Variants in STMP1 observed in about 807,000 individuals in gnomAD.
STMP1 encodes the protein mitolamban.
A neutral mutation model predicts 7.0 loss-of-function variants in STMP1; 7 were observed. The ratio of observed to expected loss-of-function variants is 1.01; its 90% confidence interval spans 0.57 to 1.89. The LOEUF (loss-of-function observed/expected upper bound fraction) is 1.89. Among genes scored for constraint, STMP1 ranks in the 40% most tolerant of loss-of-function variants. STMP1 has a pLI of 0.00. For missense variants in STMP1, 45 were observed against 53.0 expected, an observed-to-expected ratio of 0.85 and a Z score of 0.47; for synonymous variants, 19 against 18.4, an observed-to-expected ratio of 1.03 and a Z score of -0.08.
rs887588386 is a variant in STMP1, at chr7:135,674,630, G to C, written c.*465G>C. On this transcript the variant is annotated 3_prime_UTR_variant, in exon 3 of 3. Coordinates refer to ENST00000507606, the MANE Select transcript of STMP1 (RefSeq NM_001130929.2). Reference sequence around the variant, plus strand: ...GCAAAGTAATTAAAATTAGTATCTAGAGCTAGTTTCTGGTGAATTATTCAT... The same window carrying C: ...GCAAAGTAATTAAAATTAGTATCTACAGCTAGTTTCTGGTGAATTATTCAT... The C allele has an allele frequency of 3.9e-5, 6 of 152,850 alleles. No homozygotes were observed. Among genetic ancestry groups the C allele is most frequent in the African/African-American group, 1.2e-4 (5 of 41,556 alleles). The allele number at this position is 152,850 out of a possible 1,614,324, so 9.5% of individuals were successfully genotyped here. A position where few individuals can be genotyped will look rare whatever the true frequency, so the allele number is the denominator to read the frequency against.
Position 135,662,568 on chromosome 7 carries a change from C to G in STMP1, c.-12C>G. 6.5e-7 allele frequency: 1 copy of G among 1,548,364 alleles called. No homozygotes were observed. The highest frequency in any genetic ancestry group is 8.7e-7 in the Non-Finnish European group (1 of 1,145,724). ...AGTCCTTCGCGCCCTCCTCGCCCTCCCCACCGACATCATGCTCCAGTTCCT... is the reference window on the plus strand; with the variant it reads ...AGTCCTTCGCGCCCTCCTCGCCCTCGCCACCGACATCATGCTCCAGTTCCT... On this transcript the variant is annotated 5_prime_UTR_variant, in exon 1 of 3. Transcript: ENST00000507606.
In STMP1 at chr7:135,674,219, C is replaced by A; in HGVS notation, c.*54C>A. On this transcript the variant is annotated 3_prime_UTR_variant, in exon 3 of 3. Transcript: ENST00000507606. ...TACTGATTCTACTGCTCTTGAGGGCCTCGTTTACTATCTGAACCAAAAGCT... is the reference window on the plus strand; with the variant it reads ...TACTGATTCTACTGCTCTTGAGGGCATCGTTTACTATCTGAACCAAAAGCT... The A allele has an allele frequency of 1.5e-6, 2 of 1,308,768 alleles. No individual in the cohort carries two copies. The highest frequency in any genetic ancestry group is 2.1e-6 in the Non-Finnish European group (2 of 951,760). 81.1% of individuals were successfully genotyped at this position (1,308,768 alleles called of 1,614,324 possible). A position where few individuals can be genotyped will look rare whatever the true frequency, so the allele number is the denominator to read the frequency against.
At chr7:135,664,587 A>G (rs1472829984) in intron 1 of STMP1, among the ~76,000 whole-genome samples, 5 of 152,036 alleles carry the variant, frequency 3.3e-5, no homozygotes, top group Non-Finnish European at 5.9e-5. Context: ...GATTACAGGC[A>G]TGAGCCACCA....
At chr7:135,664,383 C>G (rs1218150348) in intron 1 of STMP1, among the ~76,000 whole-genome samples, 2 of 82,618 alleles carry the variant, frequency 2.4e-5, no homozygotes, top group Admixed American at 1.5e-4. Flanking sequence ...CAAGGTTTCT[C>G]TTTGTCACCT....
Position 135,673,867 on chromosome 7 carries a change from G to A in STMP1, c.70-224G>A, listed in dbSNP as rs546956304. Among the ~76,000 whole-genome samples the A allele has an allele frequency of 6.6e-4, 101 of 152,262 alleles. 1 individual carries two copies. Among genetic ancestry groups the A allele is most frequent in the Non-Finnish European group, 1.1e-3 (75 of 68,020 alleles). ...CGGGAAGGATCACTTGAGCTCTGGAGGTCAAGGCTGCAGTGAGCTGTGTTT... is the reference window on the plus strand; with the variant it reads ...CGGGAAGGATCACTTGAGCTCTGGAAGTCAAGGCTGCAGTGAGCTGTGTTT... On this transcript the variant is annotated intron_variant, in intron 2 of 2. Transcript: ENST00000507606.
chr7:135,665,257 C>T (rs758710452), intron 1 of STMP1, among the ~76,000 whole-genome samples: 9 of 152,150 alleles, frequency 5.9e-5, no homozygotes, highest in Admixed American at 2.0e-4. Context: ...ATTTTGGAAC[C>T]GTCTAAGATG....
chr7:135,674,050 A>G (rs751436786), intron 2 of STMP1, 41 bp from the exon 3 acceptor site: 2 of 1,242,174 alleles, frequency 1.6e-6, no homozygotes, highest in Non-Finnish European at 2.3e-6. Context: ...AATATTGATT[A>G]GGTAGATGCA....
At chr7:135,667,816 G>T (rs1563149275) in intron 1 of STMP1, among the ~76,000 whole-genome samples, 1 of 147,294 alleles carries the variant, frequency 6.8e-6, no homozygotes, top group East Asian at 2.0e-4. Context: ...TTTTTTTTTG[G>T]TTACTTGTAC....
chr7:135,675,943 GAGAC>G lies in STMP1; in HGVS notation c.*1782_*1785del, dbSNP rs1385163405. The G allele has an allele frequency of 3.5e-4, 16 of 45,810 alleles. No individual in the cohort carries two copies. The highest frequency in any genetic ancestry group is 8.3e-4 in the Non-Finnish European group (15 of 18,130). The allele number at this position is 45,810 out of a possible 1,614,324, so 2.8% of individuals were successfully genotyped here. On this transcript the variant is annotated 3_prime_UTR_variant, in exon 3 of 3. Transcript: ENST00000507606. ...GTGGCTTTTTTTTTTTTTTTTTTTT[GAGAC>G]AGAGTCTCACTCTGCTGCCCAGGCT...
At chr7:135,669,163 A>G (rs1332674911) in intron 1 of STMP1, among the ~76,000 whole-genome samples, 1 of 152,092 alleles carries the variant, frequency 6.6e-6, no homozygotes, top group African/African-American at 2.4e-5. Flanking sequence ...CTCATGATTC[A>G]GTTACCTCCC....
At chr7:135,670,912 T>C (rs1361555294) in intron 1 of STMP1, among the ~76,000 whole-genome samples, 1 of 152,238 alleles carries the variant, frequency 6.6e-6, no homozygotes, top group East Asian at 1.9e-4. Flanking sequence ...AGTGTCTTGC[T>C]TTAGGCACAC....
At chr7:135,670,077 C>T (rs1317330756) in intron 1 of STMP1, among the ~76,000 whole-genome samples, 1 of 152,204 alleles carries the variant, frequency 6.6e-6, no homozygotes, top group Non-Finnish European at 1.5e-5. Context: ...CTGTACACTA[C>T]TTTCCTCATC....
chr7:135,667,234 G>A (rs1471375984), intron 1 of STMP1, among the ~76,000 whole-genome samples: 3 of 151,918 alleles, frequency 2.0e-5, no homozygotes, highest in Admixed American at 6.6e-5. Flanking sequence ...TTTTTGAGAC[G>A]GAGTCTCGCT....
At chr7:135,673,576 G>C (rs968386259) in intron 2 of STMP1, among the ~76,000 whole-genome samples, 1 of 152,110 alleles carries the variant, frequency 6.6e-6, no homozygotes. Context: ...AGTAGAAGTG[G>C]GTTTCAGAGA....
intron 1 of STMP1, among the ~76,000 whole-genome samples, chr7:135,670,472 C>G (rs1371486393): frequency 6.6e-6 from 1 of 152,150 alleles, no homozygotes; most frequent in Non-Finnish European, 1.5e-5. Flanking sequence ...AGTCACTGTT[C>G]CTCAGATTTA....
chr7:135,663,791 G>T (rs983030395), intron 1 of STMP1, among the ~76,000 whole-genome samples: 5 of 152,174 alleles, frequency 3.3e-5, no homozygotes, highest in African/African-American at 7.2e-5. Flanking sequence ...AGTAGCTGGT[G>T]CGCGCCAGCA....
chr7:135,670,573 A>G (rs553144550), intron 1 of STMP1, among the ~76,000 whole-genome samples: 2 of 151,992 alleles, frequency 1.3e-5, no homozygotes, highest in East Asian at 3.9e-4. Flanking sequence ...TTTTCCCAAC[A>G]TTTCTCTTAG....
At chr7:135,673,782 T>C (rs1795380853) in intron 2 of STMP1, among the ~76,000 whole-genome samples, 2 of 152,026 alleles carry the variant, frequency 1.3e-5, no homozygotes, top group Non-Finnish European at 2.9e-5. Context: ...TTACAAAAAA[T>C]ACAAAAATTA....
chr7:135,666,700 A>G (rs749996760), intron 1 of STMP1, among the ~76,000 whole-genome samples: 32 of 152,220 alleles, frequency 2.1e-4, no homozygotes, highest in Non-Finnish European at 3.7e-4. Context: ...ATGTCTTTTC[A>G]GTAACTTCTG....
Sources: allele counts gnomAD v4.1 joint callset (sites outside exome capture counted in the v4.1 genomes callset), GRCh38; gene constraint gnomAD v4.1.1; transcripts MANE v1.5; gene names NCBI Gene and HGNC (gene_info 2026-07-23, HGNC 2026-07-21).